ANKRD31: variants seen among roughly 807,000 people sequenced by gnomAD.
The protein encoded by ANKRD31 is ankyrin repeat domain-containing protein 31.
A neutral mutation model predicts 186.0 loss-of-function variants in ANKRD31; 147 were observed. The ratio of observed to expected loss-of-function variants is 0.79; its 90% CI spans 0.69 to 0.91. ANKRD31 has a LOEUF of 0.91. Ranked by LOEUF, ANKRD31 falls within the 40% of genes least tolerant of loss-of-function variation. The pLI is 0.00. For synonymous variants in ANKRD31, 673 were observed against 736.4 expected (o/e 0.91, Z 1.39); for missense variants, 1,986 against 2,148.8 (o/e 0.92, Z 1.50).
At chr5:75,090,916 C>T (rs1745876646) in intron 23 of ANKRD31, among the ~76,000 whole-genome samples, 1 of 152,108 alleles carries the variant, frequency 6.6e-6, no homozygotes, top group African/African-American at 2.4e-5. Context: ...ACCAGTGGTT[C>T]CAAATTTTCC....
At chr5:75,086,190 A>G (rs1745467392) in intron 23 of ANKRD31, among the ~76,000 whole-genome samples, 1 of 152,218 alleles carries the variant, frequency 6.6e-6, no homozygotes, top group African/African-American at 2.4e-5. Context: ...TATTTTTATT[A>G]GTTAGTGCTG....
chr5:75,113,839 A>C (rs1385480751), intron 19 of ANKRD31, among the ~76,000 whole-genome samples: 1 of 152,202 alleles, frequency 6.6e-6, no homozygotes, highest in Non-Finnish European at 1.5e-5. Context: ...ACCGCTTCAT[A>C]CAGTGAATGA....
intron 19 of ANKRD31, among the ~76,000 whole-genome samples, chr5:75,114,911 A>C (rs1748086750): frequency 6.6e-6 from 1 of 152,298 alleles, no homozygotes; most frequent in African/African-American, 2.4e-5. Flanking sequence ...AAACTACTTG[A>C]AAGTTCATAT....
intron 12 of ANKRD31, among the ~76,000 whole-genome samples, chr5:75,150,925 C>T (rs920148868): frequency 6.6e-6 from 1 of 151,940 alleles, no homozygotes; most frequent in Admixed American, 6.6e-5. Context: ...GACCTGGCTT[C>T]AACAAGTTAC....
intron 6 of ANKRD31, among the ~76,000 whole-genome samples, chr5:75,198,842 A>G (rs114430754): frequency 0.024 from 3,660 of 152,286 alleles, 138 homozygotes; most frequent in African/African-American, 0.083. Context: ...TAAAACAGCT[A>G]TCGCTGCCCC....
At chr5:75,077,310 G>C (rs1561394775) in intron 25 of ANKRD31, among the ~76,000 whole-genome samples, 1 of 152,128 alleles carries the variant, frequency 6.6e-6, no homozygotes, top group Non-Finnish European at 1.5e-5. Context: ...GCCCCAAGCA[G>C]TCCTCCTGCC....
intron 15 of ANKRD31, among the ~76,000 whole-genome samples, chr5:75,141,354 G>GTA (rs1184047098): frequency 1.8e-4 from 28 of 151,922 alleles, no homozygotes; most frequent in East Asian, 1.4e-3. Flanking sequence ...GTGTGTGTGT[G>GTA]TATATATATA....
chr5:75,201,784 T>C (rs1286777999), intron 5 of ANKRD31, among the ~76,000 whole-genome samples: 2 of 152,164 alleles, frequency 1.3e-5, no homozygotes, highest in African/African-American at 4.8e-5. Flanking sequence ...CCATCCAGTG[T>C]TAACATCAAC....
intron 11 of ANKRD31, among the ~76,000 whole-genome samples, chr5:75,156,498 C>G (rs1201664570): frequency 1.3e-5 from 2 of 152,140 alleles, no homozygotes; most frequent in Admixed American, 6.6e-5. Context: ...CCTCATCCAC[C>G]CTCACCAAAA....
rs540812199 is a variant in ANKRD31, at chr5:75,131,898, G to A, written c.3876+5958C>T. Among the ~76,000 whole-genome samples the A allele has an allele frequency of 1.8e-4, 28 of 152,318 alleles. No homozygotes were observed. In the East Asian group the frequency reaches 3.7e-3, roughly 20 times the overall value. On this transcript the variant is annotated intron_variant, in intron 17 of 25. Transcript: ENST00000506364. ...TCCGCTGGTGATACCCAGGCAAACA[G>A]GGTCTGGAGTGGAACTCCAGCAACT...
In ANKRD31 at chr5:75,114,737, G is replaced by A. The variant is rs534120790; in HGVS notation, c.4155+1829C>T. Among the ~76,000 whole-genome samples the A allele has an allele frequency of 7.2e-3, 1,089 of 152,112 alleles. 11 individuals carry two copies. The highest frequency in any genetic ancestry group is 0.024 in the African/African-American group (996 of 41,488). On this transcript the variant is annotated intron_variant, in intron 19 of 25. Coordinates refer to ENST00000506364, the MANE Select transcript of ANKRD31 (RefSeq NM_001372053.1). ...ACCTCTTCAAGGAGAACTACAAACCGCTGCTCAACGAAATAAAAGAGGATA... is the reference window on the plus strand; with the variant it reads ...ACCTCTTCAAGGAGAACTACAAACCACTGCTCAACGAAATAAAAGAGGATA...
At position 75,211,281 on chromosome 5, in the gene ANKRD31, G is replaced by C. The variant is rs552748548; in HGVS notation, c.289-416C>G. ...TTCTGTGACTAGTTTATTTCACTTA[G>C]TATTCAAGGTTTATCTATGTTGTGG... On this transcript the variant is annotated intron_variant, in intron 3 of 25. Transcript: ENST00000506364. 6.6e-5 allele frequency among the ~76,000 whole-genome samples: 10 copies of C among 152,238 alleles called. No homozygotes were observed. The East Asian group carries it at 1.7e-3, about 26-fold the overall frequency.
intron 23 of ANKRD31, among the ~76,000 whole-genome samples, chr5:75,089,806 T>C (rs1387333721): frequency 6.6e-6 from 1 of 152,218 alleles, no homozygotes; most frequent in Admixed American, 6.5e-5. Context: ...CACTATCACA[T>C]AGGTGCTAAA....
At chr5:75,102,855 G>T (rs908606558) in intron 22 of ANKRD31, among the ~76,000 whole-genome samples, 1 of 152,100 alleles carries the variant, frequency 6.6e-6, no homozygotes, top group Non-Finnish European at 1.5e-5. Flanking sequence ...CTAGGAAAGG[G>T]AATTCCCGGA....
intron 17 of ANKRD31, among the ~76,000 whole-genome samples, chr5:75,136,462 AG>A (rs1355238641): frequency 6.6e-6 from 1 of 152,212 alleles, no homozygotes; most frequent in Non-Finnish European, 1.5e-5. Context: ...AACCACAATG[AG>A]TTACCATCTC....
chr5:75,101,258 T>C (rs1489012617), intron 22 of ANKRD31, among the ~76,000 whole-genome samples: 1 of 152,198 alleles, frequency 6.6e-6, no homozygotes, highest in East Asian at 1.9e-4. Flanking sequence ...TGGCCCCTAC[T>C]CTCTTCTGGC....
chr5:75,127,161 G>C (rs1327746310), intron 17 of ANKRD31, among the ~76,000 whole-genome samples: 4 of 149,922 alleles, frequency 2.7e-5, no homozygotes, highest in African/African-American at 9.9e-5. Context: ...CTCCAGCCTG[G>C]GTGGCAAAGT....
At chr5:75,201,995 A>G (rs1209726250) in intron 5 of ANKRD31, among the ~76,000 whole-genome samples, 1 of 152,182 alleles carries the variant, frequency 6.6e-6, no homozygotes, top group Non-Finnish European at 1.5e-5. Flanking sequence ...GAATCCACCT[A>G]TAAACTGGAA....
intron 10 of ANKRD31, among the ~76,000 whole-genome samples, chr5:75,185,748 A>G (rs1311719263): frequency 6.6e-6 from 1 of 151,566 alleles, no homozygotes; most frequent in African/African-American, 2.4e-5. Flanking sequence ...TCATTACACA[A>G]CATATACATG....
Sources: gnomAD v4.1 joint callset for allele counts (sites outside exome capture counted in the v4.1 genomes callset) on GRCh38, gnomAD v4.1.1 for gene constraint, MANE v1.5 for transcripts, NCBI Gene and HGNC (gene_info 2026-07-23, HGNC 2026-07-21) for gene names.